ITGA2: variants seen among roughly 807,000 people sequenced by gnomAD.
The protein encoded by ITGA2 is integrin alpha-2.
A neutral mutation model predicts 146.3 loss-of-function variants in ITGA2; 101 were observed. The observed-to-expected ratio is 0.69, with a 90% confidence interval of 0.59 to 0.81. ITGA2 has a LOEUF of 0.81. ITGA2 is among the 40% of genes least tolerant of loss of function. The probability of loss-of-function intolerance (pLI) is 0.00; values close to 1 mark genes in which losing one functional copy is unlikely to be tolerated. For synonymous variants in ITGA2, 477 were observed against 487.1 expected, an observed-to-expected ratio of 0.98 and a Z score of 0.27; for missense variants, 1,281 against 1,402.7, an observed-to-expected ratio of 0.91 and a Z score of 1.39.
In ITGA2 at chr5:53,051,541, G is replaced by A; in HGVS notation, c.761G>A (p.Gly254Glu). ...GGTGGGGACCTCACAAACACATTCG[G>A]AGCAATTCAATATGCAAGGTAAGTT... Reference protein sequence around the residue: ...QYGGDLTNTFGAIQYARKYAY... With the variant: ...QYGGDLTNTFEAIQYARKYAY... Residue 254 changes from glycine (G) to glutamate (E), a missense_variant, in exon 7 of 30, where the codon GGA becomes GAA. Physicochemically the swap from Gly to Glu is moderately conservative, Grantham distance 98. Around this residue, in one of 3 missense-constraint regions of ITGA2, gnomAD observed 795 missense variants for 841.7 expected, o/e 0.94. Coordinates refer to ENST00000296585, the MANE Select transcript of ITGA2 (RefSeq NM_002203.4). The A allele has an allele frequency of 1.9e-6, 3 of 1,613,410 alleles. No homozygotes were observed. In the African/African-American group the frequency reaches 4.0e-5, roughly 22 times the overall value.
Position 53,045,047 on chromosome 5 carries a change from C to T in ITGA2, c.342C>T (p.Ser114=). 6.2e-7 allele frequency: 1 copy of T among 1,613,926 alleles called. No individual in the cohort carries two copies. Among genetic ancestry groups the T allele is most frequent in the Non-Finnish European group, 8.5e-7 (1 of 1,179,856 alleles). The change falls in exon 4 of 30, where the codon AGC becomes AGT. Residue 114 remains serine (S), a synonymous_variant. Coordinates refer to ENST00000296585, the MANE Select transcript of ITGA2 (RefSeq NM_002203.4). ...TTACTGAGATGAAAACCAACATGAG[C>T]CTCGGCTTGATCCTCACCAGGAACA... ...PNVTEMKTNM[S]LGLILTRNMG...
chr5:53,004,979 C>T (rs553366494), intron 1 of ITGA2, among the ~76,000 whole-genome samples: 1 of 120,168 alleles, frequency 8.3e-6, no homozygotes, highest in South Asian at 2.9e-4. Flanking sequence ...GTCCTTTCAA[C>T]ATGAAGACAA....
At chr5:53,087,872 T>G (rs1439059816) in intron 28 of ITGA2, among the ~76,000 whole-genome samples, 1 of 152,208 alleles carries the variant, frequency 6.6e-6, no homozygotes, top group Non-Finnish European at 1.5e-5. Flanking sequence ...AGCTTGGCAG[T>G]TGGCCTCAGT....
chr5:53,090,704 T>C lies in ITGA2; in HGVS notation c.*105T>C. On this transcript the variant is annotated 3_prime_UTR_variant, in exon 30 of 30. Transcript: ENST00000296585. The stretch of plus-strand genomic sequence containing the variant: ...ATCCCATATTTTTTTTATCATGTCG[T>C]AGGTAAACTAACCTGGTATTTTAAG... The C allele has an allele frequency of 2.4e-6, 2 of 831,462 alleles. No homozygotes were observed. Among genetic ancestry groups the C allele is most frequent in the East Asian group, 6.1e-5 (2 of 32,710 alleles). The allele number at this position is 831,462 out of a possible 1,614,324, so 51.5% of individuals were successfully genotyped here.
intron 2 of ITGA2, among the ~76,000 whole-genome samples, chr5:53,036,561 T>A (rs1743502118): frequency 1.3e-5 from 2 of 152,164 alleles, no homozygotes; most frequent in South Asian, 4.2e-4. Context: ...AAGTTTTTAC[T>A]TAAATATTAC....
chr5:53,032,900 A>G (rs1311331015), intron 2 of ITGA2, among the ~76,000 whole-genome samples: 4 of 152,160 alleles, frequency 2.6e-5, no homozygotes, highest in African/African-American at 7.2e-5. Flanking sequence ...AAGTCACACA[A>G]CTTCTCTGGA....
chr5:53,015,123 G>T (rs1742338343), intron 1 of ITGA2, among the ~76,000 whole-genome samples: 1 of 151,942 alleles, frequency 6.6e-6, no homozygotes, highest in African/African-American at 2.4e-5. Flanking sequence ...TTGGTTATAT[G>T]TTGCTTTCTG....
At position 53,033,772 on chromosome 5, in the gene ITGA2, T is replaced by C. The variant is rs1743354335; in HGVS notation, c.185+6904T>C. 7.3e-5 allele frequency among the ~76,000 whole-genome samples: 11 copies of C among 151,470 alleles called. No homozygotes were observed. In the South Asian group the frequency reaches 2.3e-3, roughly 32 times the overall value. On this transcript the variant is annotated intron_variant, in intron 2 of 29. Transcript: ENST00000296585. ...GCCACCATACTAGGCTAATTTTTTT[T>C]TTTTTTTTTGAGACGGAGTCTCACT...
At chr5:53,049,136 C>T (rs1023999284) in intron 6 of ITGA2, among the ~76,000 whole-genome samples, 9 of 152,140 alleles carry the variant, frequency 5.9e-5, no homozygotes, top group South Asian at 2.1e-4. Context: ...CTCAGCCTCC[C>T]GAGTGGCTGG....
intron 9 of ITGA2, among the ~76,000 whole-genome samples, chr5:53,056,456 T>TA (rs1744639275): frequency 6.6e-6 from 1 of 152,008 alleles, no homozygotes; most frequent in Admixed American, 6.6e-5. Flanking sequence ...AATAATAATG[T>TA]TTAATCCTGG....
chr5:53,036,907 T>C (rs1041508158), intron 2 of ITGA2, among the ~76,000 whole-genome samples: 6 of 152,134 alleles, frequency 3.9e-5, no homozygotes, highest in Non-Finnish European at 5.9e-5. Flanking sequence ...TGGGGTTGTG[T>C]ACCATTTCAG....
rs3212462 is a variant in ITGA2, at chr5:53,045,529, C to G, written c.387+437C>G. On this transcript the variant is annotated intron_variant, in intron 4 of 29. Coordinates refer to ENST00000296585, the MANE Select transcript of ITGA2 (RefSeq NM_002203.4). ...TGGAGCAGTCTCTCATGTCAGTGCT[C>G]ACTTTCATTTAGTTACAAAAAGAGT... is the stretch of plus-strand genomic sequence containing the variant. 3.3e-5 allele frequency among the ~76,000 whole-genome samples: 5 copies of G among 152,232 alleles called. No individual in the cohort carries two copies. The East Asian group carries it at 7.7e-4, about 24-fold the overall frequency.
At chr5:52,993,124 G>A (rs779229594) in intron 1 of ITGA2, among the ~76,000 whole-genome samples, 20 of 152,168 alleles carry the variant, frequency 1.3e-4, no homozygotes, top group Admixed American at 2.0e-4. Flanking sequence ...AAATTATAAA[G>A]TAGAGAACTT....
chr5:53,083,020 G>T (rs1484215266), intron 26 of ITGA2, among the ~76,000 whole-genome samples: 1 of 151,806 alleles, frequency 6.6e-6, no homozygotes, highest in Admixed American at 6.6e-5. Flanking sequence ...TGGTTTTTAG[G>T]TTTTTTTACT....
intron 1 of ITGA2, among the ~76,000 whole-genome samples, chr5:53,014,079 G>T (rs559824703): frequency 3.6e-4 from 54 of 152,006 alleles, no homozygotes; most frequent in African/African-American, 1.3e-3. Flanking sequence ...TTTTCTATTT[G>T]GATGCCTTTA....
At position 53,072,529 on chromosome 5, in the gene ITGA2, A is replaced by G; in HGVS notation, c.2347-84A>G. The G allele has an allele frequency of 3.5e-6, 3 of 856,004 alleles. No homozygotes were observed. The South Asian group carries it at 4.3e-5, about 12-fold the overall frequency. The allele number at this position is 856,004 out of a possible 1,614,324, so 53.0% of individuals were successfully genotyped here. On this transcript the variant is annotated intron_variant, in intron 18 of 29. Transcript: ENST00000296585. ...TTGTTTGGTTTTGTACTTTATGTAA[A>G]TAGAATAATATTCTATGTATTCTTC...
At chr5:53,078,712 A>G in intron 23 of ITGA2, 60 bp from the exon 24 acceptor site, 2 of 955,816 alleles carry the variant, frequency 2.1e-6, no homozygotes, top group South Asian at 2.7e-5. Context: ...TAAAAGAAAT[A>G]TTAACCTTCA....
chr5:53,017,998 A>G (rs67217308), intron 1 of ITGA2, among the ~76,000 whole-genome samples: 20,032 of 151,986 alleles, frequency 0.13, 1,358 homozygotes, highest in South Asian at 0.14. Context: ...ATGGCCAGGC[A>G]TGGTCTGTCA....
At chr5:52,994,323 A>G (rs1741119572) in intron 1 of ITGA2, among the ~76,000 whole-genome samples, 2 of 152,150 alleles carry the variant, frequency 1.3e-5, no homozygotes, top group South Asian at 2.1e-4. Context: ...GCCCCTTGTC[A>G]TCTTCCTTTC....
Sources: gnomAD v4.1 joint callset for allele counts (sites outside exome capture counted in the v4.1 genomes callset) on GRCh38, gnomAD v4.1.1 for gene constraint, gnomAD v4.1.1 regional missense constraint, MANE v1.5 for transcripts, NCBI Gene and HGNC (gene_info 2026-07-23, HGNC 2026-07-21) for gene names.